Variants in RPS6KC1 observed in about 807,000 individuals in gnomAD.
RPS6KC1 encodes ribosomal protein S6 kinase C1, also known as inactive ribosomal protein S6 kinase delta-1.
Under a neutral mutation model 103.8 loss-of-function variants are expected in RPS6KC1, and 54 were observed. The observed-to-expected ratio is 0.52, with a 90% CI of 0.42 to 0.65. The LOEUF (loss-of-function observed/expected upper bound fraction) is 0.65, where lower values mean the gene tolerates loss of function less well. RPS6KC1 is among the 30% of genes least tolerant of loss of function. RPS6KC1 has a pLI of 0.00. For synonymous variants in RPS6KC1, 439 were observed against 438.7 expected (o/e 1.00, Z -0.01); for missense variants, 1,151 against 1,253.8 (o/e 0.92, Z 1.24).
chr1:213,857,570 T>C, the RPS6KC1 span, among the ~76,000 whole-genome samples: 1 of 152,198 alleles, frequency 6.6e-6, no homozygotes, highest in African/African-American at 2.4e-5. Context: ...TAAATTCCTG[T>C]GGAGTGCAAC....
chr1:213,398,701 A>AC, the RPS6KC1 span, among the ~76,000 whole-genome samples: 2 of 152,134 alleles, frequency 1.3e-5, no homozygotes, highest in Non-Finnish European at 1.5e-5. Flanking sequence ...CTTAAAATGC[A>AC]CCTATTAGGC....
chr1:213,332,335 T>G, the RPS6KC1 span, among the ~76,000 whole-genome samples: 1 of 152,230 alleles, frequency 6.6e-6, no homozygotes, highest in Non-Finnish European at 1.5e-5. Flanking sequence ...GGTAGGAGGA[T>G]TCACAGTCCT....
At chr1:213,411,873 C>G in the RPS6KC1 span, among the ~76,000 whole-genome samples, 1 of 152,162 alleles carries the variant, frequency 6.6e-6, no homozygotes, top group Non-Finnish European at 1.5e-5. Context: ...CTGGCTGCTG[C>G]ACCAATGGGC....
the RPS6KC1 span, among the ~76,000 whole-genome samples, chr1:213,301,275 G>A: frequency 6.6e-6 from 1 of 152,218 alleles, no homozygotes; most frequent in Non-Finnish European, 1.5e-5. Context: ...CCACCAGAAG[G>A]AATGTCAAGG....
intron 5 of RPS6KC1, among the ~76,000 whole-genome samples, chr1:213,127,770 C>G (rs1365461456): frequency 6.6e-6 from 1 of 152,136 alleles, no homozygotes; most frequent in African/African-American, 2.4e-5. Flanking sequence ...ACTTAGTTTT[C>G]TGATGAGATT....
the RPS6KC1 span, among the ~76,000 whole-genome samples, chr1:213,458,386 T>A: frequency 6.6e-6 from 1 of 152,192 alleles, no homozygotes; most frequent in African/African-American, 2.4e-5. Context: ...ACTTTTTTTT[T>A]AATCCAGCCC....
At chr1:213,467,683 G>A in the RPS6KC1 span, among the ~76,000 whole-genome samples, 4 of 152,140 alleles carry the variant, frequency 2.6e-5, no homozygotes, top group Non-Finnish European at 4.4e-5. Context: ...CCCTTCAGTG[G>A]TGGTTTCAGA....
chr1:213,605,313 C>T, the RPS6KC1 span, among the ~76,000 whole-genome samples: 1 of 152,198 alleles, frequency 6.6e-6, no homozygotes, highest in African/African-American at 2.4e-5. Flanking sequence ...GTTTCTTACT[C>T]ATGGAATGGA....
the RPS6KC1 span, among the ~76,000 whole-genome samples, chr1:213,531,395 G>A: frequency 6.6e-6 from 1 of 152,218 alleles, no homozygotes; most frequent in African/African-American, 2.4e-5. Flanking sequence ...CTCTGTGTCA[G>A]GCACCACCCT....
chr1:213,723,148 C>G, the RPS6KC1 span, among the ~76,000 whole-genome samples: 10 of 152,300 alleles, frequency 6.6e-5, no homozygotes, highest in Admixed American at 5.2e-4. Context: ...CCATTGCACT[C>G]CAGCCTGGGC....
chr1:213,536,219 C>T, the RPS6KC1 span, among the ~76,000 whole-genome samples: 2 of 152,062 alleles, frequency 1.3e-5, no homozygotes, highest in Admixed American at 6.5e-5. Context: ...CTGCATAAAA[C>T]GGAGTAAATG....
At chr1:213,838,468 CCTT>C in the RPS6KC1 span, among the ~76,000 whole-genome samples, 1 of 152,124 alleles carries the variant, frequency 6.6e-6, no homozygotes, top group Middle Eastern at 3.4e-3. Flanking sequence ...GCTGAAGCAG[CCTT>C]CTTTAGATCA....
chr1:213,839,743 G>A, the RPS6KC1 span: 4 of 152,118 alleles, frequency 2.6e-5, no homozygotes, highest in Non-Finnish European at 5.9e-5. Flanking sequence ...CTTACTGCCT[G>A]TGTGACGTTG....
In RPS6KC1 at chr1:213,051,528, C is replaced by G. The variant is rs1242997256; in HGVS notation, c.105+19C>G. 5.1e-6 allele frequency: 8 copies of G among 1,566,252 alleles called. No individual in the cohort carries two copies. Among genetic ancestry groups the G allele is most frequent in the Non-Finnish European group, 7.0e-6 (8 of 1,141,872 alleles). ...CGCCCGGGTGAGTGCCGGTGTCGGG[C>G]TGGGGTAGAGCTTGGATTGGGACCT... On this transcript the variant is annotated intron_variant, in intron 1 of 14. Transcript: ENST00000366960.
chr1:213,151,134 C>T (rs1273847615), intron 6 of RPS6KC1, among the ~76,000 whole-genome samples: 6 of 147,550 alleles, frequency 4.1e-5, no homozygotes, highest in Admixed American at 6.7e-5. Context: ...ACCCCCCCAC[C>T]TCCCTCCCGG....
At chr1:213,110,006 A>T (rs886400987) in intron 4 of RPS6KC1, among the ~76,000 whole-genome samples, 3 of 152,136 alleles carry the variant, frequency 2.0e-5, no homozygotes, top group Non-Finnish European at 4.4e-5. Flanking sequence ...TCATTAGTTG[A>T]TAGACATTCA....
chr1:213,258,826 T>C (rs2094712722), intron 12 of RPS6KC1, among the ~76,000 whole-genome samples: 1 of 152,196 alleles, frequency 6.6e-6, no homozygotes, highest in South Asian at 2.1e-4. Context: ...AGAGTACACT[T>C]CCAAAGGTGA....
chr1:213,256,133 T>C (rs2149059464), intron 12 of RPS6KC1, among the ~76,000 whole-genome samples: 1 of 152,320 alleles, frequency 6.6e-6, no homozygotes, highest in African/African-American at 2.4e-5. Context: ...GCTGCCTTCA[T>C]AGTTTCAAAA....
At chr1:213,146,077 G>A (rs939569057) in intron 6 of RPS6KC1, among the ~76,000 whole-genome samples, 2 of 126,040 alleles carry the variant, frequency 1.6e-5, no homozygotes, top group African/African-American at 2.9e-5. Context: ...TACTCTCTGT[G>A]CTCATGAATT....
Sources: gnomAD v4.1 joint callset for allele counts (sites outside exome capture counted in the v4.1 genomes callset) on GRCh38, gnomAD v4.1.1 for gene constraint, MANE v1.5 for transcripts, NCBI Gene and HGNC (gene_info 2026-07-23, HGNC 2026-07-21) for gene names.